Variants in CARS1 observed in about 807,000 individuals in gnomAD.
CARS1 encodes the protein cysteine--tRNA ligase, cytoplasmic.
In CARS1, 48 loss-of-function variants were observed where a neutral mutation model predicts 106.2. The observed-to-expected ratio is 0.45, with a 90% CI of 0.36 to 0.57. The LOEUF (loss-of-function observed/expected upper bound fraction) is 0.57. Ranked by LOEUF, CARS1 falls within the 20% of genes least tolerant of loss-of-function variation. The pLI is 0.00. For synonymous variants in CARS1, 409 were observed against 403.4 expected, an observed-to-expected ratio of 1.01 and a Z score of -0.17; for missense variants, 968 against 1,057.2, an observed-to-expected ratio of 0.92 and a Z score of 1.17.
At chr11:3,023,193 A>G (rs1253774230) in intron 10 of CARS1, among the ~76,000 whole-genome samples, 1 of 152,162 alleles carries the variant, frequency 6.6e-6, no homozygotes, top group Non-Finnish European at 1.5e-5. Context: ...CTGCCTCCAG[A>G]ACATTCCTTC....
intron 10 of CARS1, among the ~76,000 whole-genome samples, chr11:3,024,013 C>T (rs1442936898): frequency 6.6e-6 from 1 of 152,206 alleles, no homozygotes; most frequent in Non-Finnish European, 1.5e-5. Flanking sequence ...CTGCCTCAGC[C>T]TCCCGAGTAG....
rs1375943353 is a variant in CARS1 at position 3,043,702 on chromosome 11, TG to T, written c.275-1447del. Among the ~76,000 whole-genome samples the T allele has an allele frequency of 2.0e-5, 3 of 152,086 alleles. No homozygotes were observed. The highest frequency in any genetic ancestry group is 4.4e-5 in the Non-Finnish European group (3 of 68,018). On this transcript the variant is annotated intron_variant, in intron 2 of 22. Transcript: ENST00000380525. The surrounding 1 kb of genome is among the most constrained non-coding windows in gnomAD (Gnocchi z 4.0). ...ACACTGATCACGGGGAAGTTGGTCC[TG>T]GGCACCAGCCATCTCTTGGCCTCCC... is the stretch of plus-strand genomic sequence containing the variant.
chr11:3,001,225 C>T lies in CARS1; in HGVS notation c.2385G>A (p.Glu795=), dbSNP rs556831525. Residue 795 remains glutamate (E), a synonymous_variant, in exon 23 of 23, where the codon GAG becomes GAA. Transcript: ENST00000380525. ...DENGLPTHDM[E]GKELSKGQAK... Reference sequence around the variant, plus strand: ...CTTGCCCTTTGCTGAGCTCTTTGCCCTCCATGTCATGTGTGGGCAGACCCT... The same window carrying T: ...CTTGCCCTTTGCTGAGCTCTTTGCCTTCCATGTCATGTGTGGGCAGACCCT... 49 of 1,613,936 alleles carry T rather than the reference C, an allele frequency of 3.0e-5. 1 individual carries two copies. In the South Asian group the frequency reaches 5.3e-4, roughly 17 times the overall value.
Position 3,022,758 on chromosome 11 carries a change from A to G in CARS1, c.1154-2426T>C, listed in dbSNP as rs575516654. On this transcript the variant is annotated intron_variant, in intron 10 of 22. Coordinates refer to ENST00000380525, the MANE Select transcript of CARS1 (RefSeq NM_001014437.3). The surrounding 1 kb of genome is among the most constrained non-coding windows in gnomAD (Gnocchi z 4.9). Reference sequence around the variant, plus strand: ...CCACGTGCCTTCCCGAGTGGTCTGCATGGCCCATCTGCCTCTGGTGGGTCA... The same window carrying G: ...CCACGTGCCTTCCCGAGTGGTCTGCGTGGCCCATCTGCCTCTGGTGGGTCA... Among the ~76,000 whole-genome samples the G allele has an allele frequency of 6.6e-6, 1 of 152,232 alleles. No individual in the cohort carries two copies. The highest frequency in any genetic ancestry group is 2.4e-5 in the African/African-American group (1 of 41,544).
rs1483816238 is a variant in CARS1, at chr11:3,050,040, G to A, written c.26-2039C>T. On this transcript the variant is annotated intron_variant, in intron 1 of 22. Transcript: ENST00000380525. The surrounding 1 kb of genome is among the most constrained non-coding windows in gnomAD (Gnocchi z 6.3). ...AGCAGCAAGAATGCCCCACTGGGCC[G>A]AGCTCTTCACCCGCCAGGGAGCCTA... Among the ~76,000 whole-genome samples the A allele has an allele frequency of 2.6e-5, 4 of 152,184 alleles. No individual in the cohort carries two copies. The highest frequency in any genetic ancestry group is 4.4e-5 in the Non-Finnish European group (3 of 68,036).
At chr11:3,024,328 C>T (rs2134171664) in intron 10 of CARS1, among the ~76,000 whole-genome samples, 1 of 152,310 alleles carries the variant, frequency 6.6e-6, no homozygotes, top group South Asian at 2.1e-4. Context: ...CCCCTGATTT[C>T]CCACTGTGGT....
rs1243287854 is a variant in CARS1 at position 3,044,376 on chromosome 11, A to C, written c.275-2120T>G. On this transcript the variant is annotated intron_variant, in intron 2 of 22. Coordinates refer to ENST00000380525, the MANE Select transcript of CARS1 (RefSeq NM_001014437.3). The surrounding 1 kb of genome is among the most constrained non-coding windows in gnomAD (Gnocchi z 4.4). ...AGATATACAAATTCAGATTTGCAAA[A>C]GGGAAGAACTGAGAGATATCACATA... is the stretch of plus-strand genomic sequence containing the variant. 6.6e-6 allele frequency among the ~76,000 whole-genome samples: 1 copy of C among 152,054 alleles called. No individual in the cohort carries two copies. The highest frequency in any genetic ancestry group is 6.5e-5 in the Admixed American group (1 of 15,272).
rs1029397751 is a variant in CARS1 at position 3,004,909 on chromosome 11, C to T, written c.2217+457G>A. 1.6e-4 allele frequency among the ~76,000 whole-genome samples: 24 copies of T among 152,020 alleles called. No individual in the cohort carries two copies. Among genetic ancestry groups the T allele is most frequent in the African/African-American group, 5.8e-4 (24 of 41,366 alleles). On this transcript the variant is annotated intron_variant, in intron 20 of 22. Transcript: ENST00000380525. This position sits in a 1 kb window ranked among gnomAD's most constrained non-coding sequence, Gnocchi z 5.2. Reference sequence around the variant, plus strand: ...GATCACGAGGTCAGGAGATTGAGACCAGCCTGACCAACATGGTGAAACCCC... The same window carrying T: ...GATCACGAGGTCAGGAGATTGAGACTAGCCTGACCAACATGGTGAAACCCC...
At chr11:3,054,849 T>C (rs545011790) in intron 1 of CARS1, 50 of 701,346 alleles carry the variant, frequency 7.1e-5, no homozygotes, top group Non-Finnish European at 1.2e-4. Flanking sequence ...TGAATTAAAC[T>C]GTATAAAAAT....
In CARS1 at chr11:3,015,420, T is replaced by C. The variant is rs149080627; in HGVS notation, c.1986+361A>G. Among the ~76,000 whole-genome samples the C allele has an allele frequency of 2.8e-3, 423 of 152,378 alleles. 1 individual carries two copies. Among genetic ancestry groups the C allele is most frequent in the African/African-American group, 9.9e-3 (410 of 41,586 alleles). ...AGCTCTGCAGCCTTTCGATGAAGCA[T>C]TTACTGAATACAGGTCAGTATATGT... On this transcript the variant is annotated intron_variant, in intron 17 of 22. Coordinates refer to ENST00000380525, the MANE Select transcript of CARS1 (RefSeq NM_001014437.3).
rs1852377889 is a variant in CARS1, at chr11:3,028,730, G to T, written c.1031+266C>A. ...GCACTCACCATTATGCAGCTCTGGG[G>T]CCCCATGACTGATGGTCTTGGCTGC... On this transcript the variant is annotated intron_variant, in intron 9 of 22. Transcript: ENST00000380525. This position sits in a 1 kb window ranked among gnomAD's most constrained non-coding sequence, Gnocchi z 4.4. 1 of 509,708 alleles carries T rather than the reference G, an allele frequency of 2.0e-6. No individual in the cohort carries two copies. The highest frequency in any genetic ancestry group is 3.5e-6 in the Non-Finnish European group (1 of 288,564). The allele number at this position is 509,708 out of a possible 1,614,324, so 31.6% of individuals were successfully genotyped here. A position where few individuals can be genotyped will look rare whatever the true frequency, so the allele number is the denominator to read the frequency against.
At chr11:3,005,759 A>G (rs1849803504) in intron 19 of CARS1, among the ~76,000 whole-genome samples, 1 of 151,766 alleles carries the variant, frequency 6.6e-6, no homozygotes, top group Non-Finnish European at 1.5e-5. Flanking sequence ...CAGCTGCCCA[A>G]GGAGCCCACA....
rs955248769 is a variant in CARS1, at chr11:3,034,255, C to A, written c.801+3795G>T. 6.6e-6 allele frequency among the ~76,000 whole-genome samples: 1 copy of A among 151,972 alleles called. No homozygotes were observed. Among genetic ancestry groups the A allele is most frequent in the Non-Finnish European group, 1.5e-5 (1 of 68,000 alleles). On this transcript the variant is annotated intron_variant, in intron 7 of 22. Transcript: ENST00000380525. This position sits in a 1 kb window ranked among gnomAD's most constrained non-coding sequence, Gnocchi z 6.3. ...TTTGTTTTTTTGAGACAGTCTCACT[C>A]TGTTTCCCAGGCTGGAATGCAGTGG...
In CARS1 at chr11:3,038,607, C is replaced by A. The variant is rs1854000397; in HGVS notation, c.652-408G>T. Among the ~76,000 whole-genome samples the A allele has an allele frequency of 6.6e-6, 1 of 152,180 alleles. No individual in the cohort carries two copies. The highest frequency in any genetic ancestry group is 1.5e-5 in the Non-Finnish European group (1 of 68,048). On this transcript the variant is annotated intron_variant, in intron 6 of 22. Coordinates refer to ENST00000380525, the MANE Select transcript of CARS1 (RefSeq NM_001014437.3). The surrounding 1 kb of genome is among the most constrained non-coding windows in gnomAD (Gnocchi z 4.0). ...AAGATTGCTCAGCTCTAATTTTATT[C>A]CTGTTTTTAATTCCAGAGATAAAAT...
rs933035915 is a variant in CARS1, at chr11:3,019,721, A to G, written c.1267-454T>C. The stretch of plus-strand genomic sequence containing the variant: ...ACACTCTGTCTCAAAAAAAAAAAAA[A>G]GACTAAGGATAGCCTTCTTTGGTGA... On this transcript the variant is annotated intron_variant, in intron 11 of 22. Transcript: ENST00000380525. This position sits in a 1 kb window ranked among gnomAD's most constrained non-coding sequence, Gnocchi z 6.2. 4.0e-5 allele frequency among the ~76,000 whole-genome samples: 6 copies of G among 151,552 alleles called. No individual in the cohort carries two copies. The highest frequency in any genetic ancestry group is 5.9e-5 in the Non-Finnish European group (4 of 67,880).
intron 7 of CARS1, among the ~76,000 whole-genome samples, chr11:3,032,361 G>A (rs1227277276): frequency 2.0e-5 from 3 of 151,986 alleles, no homozygotes; most frequent in Non-Finnish European, 4.4e-5. Flanking sequence ...GTGAGCCACC[G>A]CGCCCGGCCA....
Position 3,040,806 on chromosome 11 carries a change from G to T in CARS1, c.455+90C>A. The T allele has an allele frequency of 7.6e-7, 1 of 1,313,276 alleles. No homozygotes were observed. 81.4% of individuals were successfully genotyped at this position (1,313,276 alleles called of 1,614,324 possible). A position where few individuals can be genotyped will look rare whatever the true frequency, so the allele number is the denominator to read the frequency against. On this transcript the variant is annotated intron_variant, in intron 4 of 22. Transcript: ENST00000380525. The surrounding 1 kb of genome is among the most constrained non-coding windows in gnomAD (Gnocchi z 5.8). ...TCTCTGTAGCAGATCTAAGATCTTT[G>T]TGGACCTAAGATCGCTGCTGTGGAT...
Position 3,040,113 on chromosome 11 carries a change from C to T in CARS1, c.456-182G>A, listed in dbSNP as rs996038731. The T allele has an allele frequency of 1.9e-6, 1 of 535,206 alleles. No homozygotes were observed. The highest frequency in any genetic ancestry group is 3.3e-6 in the Non-Finnish European group (1 of 305,940). The allele number at this position is 535,206 out of a possible 1,614,324, so 33.2% of individuals were successfully genotyped here. Reference sequence around the variant, plus strand: ...ACGTGAAGATGGCAAGGATGATGACCTTTATAATGATCCACTTCCACCTAA... The same window carrying T: ...ACGTGAAGATGGCAAGGATGATGACTTTTATAATGATCCACTTCCACCTAA... On this transcript the variant is annotated intron_variant, in intron 4 of 22. Transcript: ENST00000380525. This position sits in a 1 kb window ranked among gnomAD's most constrained non-coding sequence, Gnocchi z 5.8.
chr11:3,055,985 G>C (rs931380529), intron 1 of CARS1, among the ~76,000 whole-genome samples: 5 of 152,198 alleles, frequency 3.3e-5, no homozygotes, highest in African/African-American at 7.2e-5. Context: ...TGTTTTACAG[G>C]AATCTGGGTG....
Sources: allele counts gnomAD v4.1 joint callset (sites outside exome capture counted in the v4.1 genomes callset), GRCh38; gene constraint gnomAD v4.1.1; non-coding constraint Gnocchi (gnomAD v3.1); transcripts MANE v1.5; gene names NCBI Gene and HGNC (gene_info 2026-07-23, HGNC 2026-07-21).